PCDH15: variants seen among roughly 807,000 people sequenced by gnomAD.
The protein encoded by PCDH15 is protocadherin related 15.
A neutral mutation model predicts 178.5 loss-of-function variants in PCDH15; 129 were observed. The ratio of observed to expected loss-of-function variants is 0.72; its 90% CI spans 0.63 to 0.84. PCDH15 has a LOEUF of 0.84. Ranked by LOEUF, PCDH15 falls within the 40% of genes least tolerant of loss-of-function variation. The pLI is 0.00. For missense variants in PCDH15, 2,230 were observed against 2,099.9 expected (o/e 1.06, Z -1.21); for synonymous variants, 800 against 732.0 (o/e 1.09, Z -1.50).
intron 2 of PCDH15, among the ~76,000 whole-genome samples, chr10:55,128,636 C>T (rs981811337): frequency 6.6e-6 from 1 of 152,048 alleles, no homozygotes; most frequent in African/African-American, 2.4e-5. Context: ...TCCTGACTGT[C>T]ATACACTTAT....
chr10:55,431,536 T>C (rs1838880193), intron 2 of PCDH15, among the ~76,000 whole-genome samples: 1 of 152,170 alleles, frequency 6.6e-6, no homozygotes, highest in Non-Finnish European at 1.5e-5. Flanking sequence ...GGATATATGA[T>C]ATCACTGGAA....
chr10:54,626,325 G>C (rs1030647646), intron 2 of PCDH15, among the ~76,000 whole-genome samples: 5 of 152,184 alleles, frequency 3.3e-5, no homozygotes, highest in Non-Finnish European at 7.3e-5. Context: ...TCCAGGGCCT[G>C]TCAGAGGTCT....
At chr10:54,459,045 C>T (rs376231722) in intron 3 of PCDH15, among the ~76,000 whole-genome samples, 1 of 152,056 alleles carries the variant, frequency 6.6e-6, no homozygotes, top group East Asian at 1.9e-4. Context: ...GGTACTCTGG[C>T]TTCCTTTCCT....
At chr10:54,811,574 G>A (rs1176751043) in intron 3 of PCDH15, among the ~76,000 whole-genome samples, 10 of 152,098 alleles carry the variant, frequency 6.6e-5, no homozygotes, top group African/African-American at 2.2e-4. Flanking sequence ...TAGTACAAGC[G>A]ATTCCCCTGC....
intron 2 of PCDH15, among the ~76,000 whole-genome samples, chr10:54,646,970 A>G (rs1025063178): frequency 3.3e-5 from 5 of 152,116 alleles, no homozygotes; most frequent in Admixed American, 6.6e-5. Context: ...AATATGATCC[A>G]TGAATCCTAC....
At chr10:53,999,994 C>T (rs1427747754) in intron 20 of PCDH15, among the ~76,000 whole-genome samples, 1 of 152,058 alleles carries the variant, frequency 6.6e-6, no homozygotes, top group Admixed American at 6.5e-5. Context: ...CAGGTGGCTC[C>T]AAACAGAGAC....
intron 23 of PCDH15, among the ~76,000 whole-genome samples, chr10:53,950,563 C>T (rs948514832): frequency 6.6e-6 from 1 of 152,096 alleles, no homozygotes; most frequent in African/African-American, 2.4e-5. Context: ...TCAATATTCA[C>T]ATTTAGACTC....
intron 8 of PCDH15, among the ~76,000 whole-genome samples, chr10:54,237,566 A>G (rs1205843958): frequency 6.6e-6 from 1 of 152,174 alleles, no homozygotes; most frequent in African/African-American, 2.4e-5. Context: ...TTGTGCTATC[A>G]GGACTGGCAA....
chr10:54,932,512 G>A (rs752893526), intron 2 of PCDH15, among the ~76,000 whole-genome samples: 21 of 152,072 alleles, frequency 1.4e-4, no homozygotes, highest in Non-Finnish European at 1.6e-4. Flanking sequence ...ATTTATTATT[G>A]AAAAGGCAAT....
chr10:53,855,904 G>GTATGTATATATATATATATATATA lies in PCDH15; in HGVS notation c.3806+1270_3806+1271insTATATATATATATATATATACATA, dbSNP rs147606526. Among the ~76,000 whole-genome samples, 109 of 109,682 alleles carry GTATGTATATATATATATATATATA rather than the reference G, an allele frequency of 9.9e-4. 5 individuals are homozygous for GTATGTATATATATATATATATATA. Among genetic ancestry groups the GTATGTATATATATATATATATATA allele is most frequent in the African/African-American group, 3.5e-3 (93 of 26,498 alleles). The allele number at this position is 109,682 out of a possible 152,430, so 72.0% of individuals were successfully genotyped here. A position where few individuals can be genotyped will look rare whatever the true frequency, so the allele number is the denominator to read the frequency against. On this transcript the variant is annotated intron_variant, in intron 28 of 37. Transcript: ENST00000644397. ...TAAAAGTTAAAAAAAAAGGTGATAT[G>GTATGTATATATATATATATATATA]TATATATATATATATATGTATGTGT...
chr10:54,176,069 T>C (rs188227921), intron 13 of PCDH15, among the ~76,000 whole-genome samples: 1 of 152,276 alleles, frequency 6.6e-6, no homozygotes, highest in African/African-American at 2.4e-5. Context: ...AGGTGATACT[T>C]AGTGTGTGAT....
intron 2 of PCDH15, among the ~76,000 whole-genome samples, chr10:55,341,952 T>C (rs1844611914): frequency 6.8e-6 from 1 of 147,948 alleles, no homozygotes. Flanking sequence ...CGGACACAAC[T>C]TTTTTTTTAA....
chr10:55,566,515 A>G (rs368835598), intron 2 of PCDH15, among the ~76,000 whole-genome samples: 1 of 151,684 alleles, frequency 6.6e-6, no homozygotes, highest in Non-Finnish European at 1.5e-5. Flanking sequence ...GAAAGGAAGA[A>G]GTCAAATTAT....
At chr10:54,452,625 T>G (rs2076550425) in intron 3 of PCDH15, 1 of 152,086 alleles carries the variant, frequency 6.6e-6, no homozygotes, top group Admixed American at 6.6e-5. Context: ...TTCTTTCTTT[T>G]TACTTCTCGT....
At position 55,562,586 on chromosome 10, in the gene PCDH15, C is replaced by T. The variant is rs144551832; in HGVS notation, c.-156+65039G>A. ...CCAGTGTCCACGTGGCATACCTGAG[C>T]ATACCAAGTCCTTGCTGAGATATGT... On this transcript the variant is annotated intron_variant, in intron 2 of 5. Coordinates refer to the PCDH15 transcript ENST00000613346. 2.2e-4 allele frequency among the ~76,000 whole-genome samples: 34 copies of T among 152,046 alleles called. No individual in the cohort carries two copies. The East Asian group carries it at 6.2e-3, about 28-fold the overall frequency.
chr10:55,096,649 A>G (rs190565614), intron 2 of PCDH15, among the ~76,000 whole-genome samples: 5 of 151,810 alleles, frequency 3.3e-5, no homozygotes, highest in Admixed American at 6.6e-5. Context: ...TTCCCCTACC[A>G]CCCTTCCCTG....
At chr10:53,990,160 A>G (rs1003033938) in intron 21 of PCDH15, among the ~76,000 whole-genome samples, 11 of 152,126 alleles carry the variant, frequency 7.2e-5, no homozygotes, top group African/African-American at 2.7e-4. Context: ...CCATCTTTTT[A>G]CACTCTCTAG....
At chr10:54,767,279 A>C (rs1948626491) in intron 1 of PCDH15, among the ~76,000 whole-genome samples, 1 of 152,314 alleles carries the variant, frequency 6.6e-6, no homozygotes, top group African/African-American at 2.4e-5. Flanking sequence ...TTTAATGATG[A>C]AATTAAAACT....
In PCDH15 at chr10:54,146,993, GTATA is replaced by G. The variant is rs561375208; in HGVS notation, c.1784+6103_1784+6106del. ...TATATATAGTGTATATATATATAAT[GTATA>G]TATATAGTGTATATATAATGTGTAT... On this transcript the variant is annotated intron_variant, in intron 14 of 37. Coordinates refer to ENST00000644397, the MANE Select transcript of PCDH15 (RefSeq NM_001384140.1). 2.3e-3 allele frequency among the ~76,000 whole-genome samples: 320 copies of G among 138,036 alleles called. 1 individual carries two copies. The highest frequency in any genetic ancestry group is 3.6e-3 in the Admixed American group (49 of 13,606). 90.6% of individuals were successfully genotyped at this position (138,036 alleles called of 152,430 possible).
Sources: allele counts gnomAD v4.1 joint callset (sites outside exome capture counted in the v4.1 genomes callset), GRCh38; gene constraint gnomAD v4.1.1; transcripts MANE v1.5; gene names NCBI Gene and HGNC (gene_info 2026-07-23, HGNC 2026-07-21).